The following MAP3K7CL variants were observed in gnomAD, a reference collection of about 807,000 sequenced individuals.
The protein encoded by MAP3K7CL is MAP3K7 C-terminal-like protein.
A neutral mutation model predicts 18.6 loss-of-function variants in MAP3K7CL; 16 were observed. The ratio of observed to expected loss-of-function variants is 0.86; its 90% CI spans 0.58 to 1.31. The LOEUF (loss-of-function observed/expected upper bound fraction) is 1.31. Ranked by LOEUF, MAP3K7CL falls within the 50% of genes most tolerant of loss-of-function variation. MAP3K7CL has a pLI of 0.00. For synonymous variants in MAP3K7CL, 65 were observed against 66.8 expected (o/e 0.97, Z 0.13); for missense variants, 163 against 174.4 (o/e 0.93, Z 0.37).
chr21:29,101,398 T>C lies in MAP3K7CL; in HGVS notation c.370+8817T>C, dbSNP rs529400675. Among the ~76,000 whole-genome samples the C allele has an allele frequency of 4.6e-5, 7 of 152,298 alleles. No individual in the cohort carries two copies. The South Asian group carries it at 1.5e-3, about 32-fold the overall frequency. On this transcript the variant is annotated intron_variant, in intron 4 of 6. Coordinates refer to the MAP3K7CL transcript ENST00000286791. The stretch of plus-strand genomic sequence containing the variant: ...AGGCTTTGTTCTCAGCCTGGTCTTG[T>C]TTAACATGTTTGTTTTGTTTTGTTT...
intron 4 of MAP3K7CL, among the ~76,000 whole-genome samples, chr21:29,165,697 G>A (rs1396540243): frequency 2.0e-5 from 3 of 152,076 alleles, no homozygotes; most frequent in South Asian, 2.1e-4. Flanking sequence ...TCAGCTCCCC[G>A]AGTAGCTGGG....
In MAP3K7CL at chr21:29,175,415, C is replaced by A. The variant is rs1490653057; in HGVS notation, c.*523C>A. 6.6e-6 allele frequency: 1 copy of A among 152,132 alleles called. No homozygotes were observed. Among genetic ancestry groups the A allele is most frequent in the Non-Finnish European group, 1.5e-5 (1 of 68,040 alleles). 9.4% of individuals were successfully genotyped at this position (152,132 alleles called of 1,614,324 possible). A position where few individuals can be genotyped will look rare whatever the true frequency, so the allele number is the denominator to read the frequency against. On this transcript the variant is annotated 3_prime_UTR_variant, in exon 5 of 5. Transcript: ENST00000399928. ...AAACTTTTATACTCTGATTTTTATC[C>A]TTCAATGATTGATTATACTAAGAAT...
At chr21:29,132,476 A>G (rs1480361711) in intron 1 of MAP3K7CL, among the ~76,000 whole-genome samples, 3 of 152,174 alleles carry the variant, frequency 2.0e-5, no homozygotes, top group South Asian at 2.1e-4. Flanking sequence ...TATTCATCAT[A>G]TAACAGATAT....
chr21:29,110,149 C>CG (rs1210764791), intron 4 of MAP3K7CL, among the ~76,000 whole-genome samples: 3 of 152,112 alleles, frequency 2.0e-5, no homozygotes, highest in African/African-American at 4.8e-5. Flanking sequence ...TCTACAGCAA[C>CG]CAGCCATTTT....
chr21:29,107,995 T>C (rs1325802182), intron 4 of MAP3K7CL, among the ~76,000 whole-genome samples: 3 of 152,224 alleles, frequency 2.0e-5, no homozygotes, highest in African/African-American at 7.2e-5. Context: ...AACATACTTA[T>C]TTACATATAT....
At chr21:29,170,980 A>G (rs960451493) in intron 4 of MAP3K7CL, among the ~76,000 whole-genome samples, 2 of 149,984 alleles carry the variant, frequency 1.3e-5, no homozygotes, top group African/African-American at 4.9e-5. Flanking sequence ...TTACTCATTA[A>G]TGTTTAAAAA....
intron 4 of MAP3K7CL, among the ~76,000 whole-genome samples, chr21:29,171,180 A>G (rs141903939): frequency 2.0e-5 from 3 of 152,278 alleles, no homozygotes; most frequent in African/African-American, 4.8e-5. Flanking sequence ...TTTTTAAAAC[A>G]TAAATTACTG....
chr21:29,110,860 G>C (rs924851474), intron 4 of MAP3K7CL, among the ~76,000 whole-genome samples: 1 of 152,032 alleles, frequency 6.6e-6, no homozygotes, highest in African/African-American at 2.4e-5. Context: ...GTATTTCATG[G>C]ATGCAATATC....
chr21:29,143,991 C>A (rs1032504907), intron 2 of MAP3K7CL, among the ~76,000 whole-genome samples: 7 of 152,004 alleles, frequency 4.6e-5, no homozygotes, highest in African/African-American at 1.7e-4. Context: ...ATATAATGGC[C>A]ACTCCTTTAC....
intron 2 of MAP3K7CL, among the ~76,000 whole-genome samples, chr21:29,141,531 A>G (rs543590052): frequency 3.1e-4 from 46 of 146,100 alleles, no homozygotes; most frequent in Admixed American, 5.5e-4. Flanking sequence ...AAAAAAAAAA[A>G]AGAGAGAAAT....
intron 4 of MAP3K7CL, among the ~76,000 whole-genome samples, chr21:29,094,882 C>T (rs1012165197): frequency 2.0e-5 from 3 of 152,066 alleles, no homozygotes; most frequent in Admixed American, 6.6e-5. Flanking sequence ...TATGGCAAAA[C>T]CCCATCTCTA....
chr21:29,090,399 G>C (rs1352166149), intron 1 of MAP3K7CL, among the ~76,000 whole-genome samples: 1 of 148,486 alleles, frequency 6.7e-6, no homozygotes, highest in South Asian at 2.1e-4. Flanking sequence ...TTTTTTTTTT[G>C]AGACAGAGGC....
At chr21:29,091,261 T>C (rs1051519861) in intron 1 of MAP3K7CL, among the ~76,000 whole-genome samples, 9 of 152,224 alleles carry the variant, frequency 5.9e-5, no homozygotes, top group African/African-American at 2.2e-4. Context: ...TCTTTATGAC[T>C]AATTATCCAC....
intron 3 of MAP3K7CL, chr21:29,091,883 T>C (rs757889575): frequency 4.6e-5 from 27 of 587,692 alleles, no homozygotes; most frequent in Non-Finnish European, 8.2e-5. Flanking sequence ...TTCCATTTAA[T>C]ATTCACAAAA....
At chr21:29,161,217 G>A (rs1452668035) in intron 4 of MAP3K7CL, among the ~76,000 whole-genome samples, 2 of 152,158 alleles carry the variant, frequency 1.3e-5, no homozygotes, top group East Asian at 3.8e-4. Flanking sequence ...GGCTGAGGCA[G>A]GAGAATCGCT....
At chr21:29,162,117 T>C (rs548938984) in intron 4 of MAP3K7CL, among the ~76,000 whole-genome samples, 10 of 152,114 alleles carry the variant, frequency 6.6e-5, no homozygotes, top group Non-Finnish European at 1.3e-4. Context: ...GAATTGAGGA[T>C]TATTAATCAT....
Position 29,166,772 on chromosome 21 carries a change from A to G in MAP3K7CL, c.248+6716A>G, listed in dbSNP as rs139591892. On this transcript the variant is annotated intron_variant, in intron 4 of 4. Coordinates refer to ENST00000399928, the MANE Select transcript of MAP3K7CL (RefSeq NM_001286620.2). ...TTATTGCTGAATAATATTCCATTGTATGAATATATAATATTTTATCCTTTC... is the reference window on the plus strand; with the variant it reads ...TTATTGCTGAATAATATTCCATTGTGTGAATATATAATATTTTATCCTTTC... 9.2e-3 allele frequency among the ~76,000 whole-genome samples: 1,394 copies of G among 152,340 alleles called. 14 individuals carry two copies. Among genetic ancestry groups the G allele is most frequent in the Non-Finnish European group, 0.014 (952 of 68,042 alleles).
At chr21:29,089,053 C>T (rs1298376659) in intron 1 of MAP3K7CL, among the ~76,000 whole-genome samples, 1 of 151,696 alleles carries the variant, frequency 6.6e-6, no homozygotes, top group East Asian at 1.9e-4. Context: ...GCCTGTAGTC[C>T]CAGCTACCTG....
Position 29,171,885 on chromosome 21 carries a change from G to A in MAP3K7CL, c.249-2827G>A, listed in dbSNP as rs75385365. Among the ~76,000 whole-genome samples the A allele has an allele frequency of 7.9e-3, 1,181 of 148,976 alleles. 8 individuals are homozygous for A. The highest frequency in any genetic ancestry group is 0.017 in the Admixed American group (250 of 14,910). ...ACCAGTTACTAAACTTTCCCCAGTT[G>A]TGCCTTATTCTTCCTCCCACGACAG... On this transcript the variant is annotated intron_variant, in intron 4 of 4. Transcript: ENST00000399928.
Sources: gnomAD v4.1 joint callset for allele counts (sites outside exome capture counted in the v4.1 genomes callset) on GRCh38, gnomAD v4.1.1 for gene constraint, MANE v1.5 for transcripts, NCBI Gene and HGNC (gene_info 2026-07-23, HGNC 2026-07-21) for gene names.